PSMD12: variants seen among roughly 807,000 people sequenced by gnomAD.
PSMD12 encodes the protein proteasome 26S subunit, non-ATPase 12.
Under a neutral mutation model 62.9 loss-of-function variants are expected in PSMD12, and 8 were observed. The observed-to-expected ratio is 0.13, with a 90% CI of 0.07 to 0.23. The LOEUF (loss-of-function observed/expected upper bound fraction) is 0.23, where lower values mean the gene tolerates loss of function less well. Ranked by LOEUF, PSMD12 falls within the 10% of genes least tolerant of loss-of-function variation. PSMD12 has a pLI of 1.00. For missense variants in PSMD12, 424 were observed against 550.2 expected (o/e 0.77, Z 2.29); for synonymous variants, 173 against 187.4 (o/e 0.92, Z 0.63).
intron 3 of PSMD12, among the ~76,000 whole-genome samples, chr17:67,355,580 C>A (rs1013298293): frequency 1.3e-5 from 2 of 152,252 alleles, no homozygotes; most frequent in African/African-American, 2.4e-5. Context: ...CCATTACATC[C>A]TCTTTTACAA....
At chr17:67,363,806 T>C (rs1346742634) in intron 1 of PSMD12, among the ~76,000 whole-genome samples, 1 of 152,038 alleles carries the variant, frequency 6.6e-6, no homozygotes, top group Admixed American at 6.6e-5. Context: ...TCCCAGCACT[T>C]TGGGAGGCAG....
chr17:67,366,394 C>T lies in PSMD12; in HGVS notation c.108+18G>A. 1 of 1,602,210 alleles carries T rather than the reference C, an allele frequency of 6.2e-7. No homozygotes were observed. Among genetic ancestry groups the T allele is most frequent in the Non-Finnish European group, 8.5e-7 (1 of 1,172,762 alleles). On this transcript the variant is annotated intron_variant, in intron 1 of 10. Transcript: ENST00000356126. ...TCAGCCCCTGGCGCCCGCCAACAGC[C>T]AGCCGGCCTCTCCTCACCTTGGCTA... is the stretch of plus-strand genomic sequence containing the variant.
intron 8 of PSMD12, 89 bp downstream of exon 8, chr17:67,345,656 T>C (rs1464968470): frequency 2.9e-6 from 3 of 1,048,342 alleles, no homozygotes; most frequent in Non-Finnish European, 4.3e-6. Context: ...AAAAGAAGTA[T>C]ACACAGAAGT....
At chr17:67,356,174 G>A (rs1305766668) in intron 3 of PSMD12, among the ~76,000 whole-genome samples, 1 of 152,074 alleles carries the variant, frequency 6.6e-6, no homozygotes, top group Admixed American at 6.6e-5. Context: ...CAAGGTTAAG[G>A]ACTTGTCAAG....
At chr17:67,346,325 G>A (rs1156828115) in intron 7 of PSMD12, among the ~76,000 whole-genome samples, 7 of 151,804 alleles carry the variant, frequency 4.6e-5, no homozygotes, top group Admixed American at 4.6e-4. Flanking sequence ...AACCTGGGAG[G>A]AGGAGCTTGC....
intron 3 of PSMD12, among the ~76,000 whole-genome samples, chr17:67,355,973 C>T (rs1364180780): frequency 4.1e-5 from 1 of 24,396 alleles, no homozygotes; most frequent in East Asian, 4.8e-4. Flanking sequence ...CATTTCTACA[C>T]ACACACACAC....
At chr17:67,347,577 T>C (rs2041979743) in intron 5 of PSMD12, 92 bp from the exon 6 acceptor site, 1 of 1,288,808 alleles carries the variant, frequency 7.8e-7, no homozygotes. Flanking sequence ...TTCATCCTTG[T>C]TAAATAATAA....
chr17:67,366,298 G>T, intron 1 of PSMD12, 114 bp downstream of exon 1: 4 of 1,019,248 alleles, frequency 3.9e-6, no homozygotes, highest in Non-Finnish European at 5.7e-6. Context: ...AACTAGGGCT[G>T]GACAGGCATT....
At chr17:67,354,760 T>G (rs1279142888) in intron 3 of PSMD12, among the ~76,000 whole-genome samples, 1 of 151,540 alleles carries the variant, frequency 6.6e-6, no homozygotes, top group Non-Finnish European at 1.5e-5. Flanking sequence ...GAAGCTGAGG[T>G]GGGTGGATCA....
intron 1 of PSMD12, among the ~76,000 whole-genome samples, chr17:67,364,921 C>A (rs1000339331): frequency 4.6e-5 from 7 of 152,132 alleles, no homozygotes; most frequent in African/African-American, 1.2e-4. Flanking sequence ...CGGTGGCTCA[C>A]GCCTGTAATC....
Position 67,366,570 on chromosome 17 carries a change from T to C in PSMD12, c.-51A>G. ...GTCCCCCTGCTTCGGCCACCACTCG[T>C]CACCCACACCGGAAGTTGCCCGCGC... On this transcript the variant is annotated 5_prime_UTR_variant, in exon 1 of 11. Transcript: ENST00000356126. The C allele has an allele frequency of 6.6e-7, 1 of 1,524,696 alleles. No individual in the cohort carries two copies. The highest frequency in any genetic ancestry group is 1.2e-5 in the South Asian group (1 of 86,444). The allele number at this position is 1,524,696 out of a possible 1,614,324, so 94.4% of individuals were successfully genotyped here.
chr17:67,365,237 G>A (rs2042168390), intron 1 of PSMD12, among the ~76,000 whole-genome samples: 1 of 151,676 alleles, frequency 6.6e-6, no homozygotes, highest in Non-Finnish European at 1.5e-5. Context: ...CTTCTAGGCA[G>A]GACAGCATGG....
At chr17:67,342,154 C>G in intron 10 of PSMD12, 32 bp downstream of exon 10, 1 of 1,446,766 alleles carries the variant, frequency 6.9e-7, no homozygotes, top group Non-Finnish European at 9.6e-7. Flanking sequence ...AAAGGAATGC[C>G]TACAAATAAC....
chr17:67,354,690 CAT>C (rs1401417544), intron 3 of PSMD12, among the ~76,000 whole-genome samples: 1 of 152,016 alleles, frequency 6.6e-6, no homozygotes, highest in East Asian at 1.9e-4. Context: ...CCAAAAGGCA[CAT>C]TTAAGTAAAT....
chr17:67,344,532 C>T (rs2041945509), intron 9 of PSMD12, 74 bp downstream of exon 9: 2 of 1,374,808 alleles, frequency 1.5e-6, no homozygotes, highest in Non-Finnish European at 1.9e-6. Flanking sequence ...CTCAAAATTG[C>T]CAAAATTTAA....
rs1046857144 is a variant in PSMD12, at chr17:67,339,886, G to A, written c.*957C>T. On this transcript the variant is annotated 3_prime_UTR_variant, in exon 11 of 11. Transcript: ENST00000356126. The stretch of plus-strand genomic sequence containing the variant: ...CCACTTACTATGAGGGTGGCCTGAC[G>A]TCTTTTTGCCATTTTTTTAAAGCAT... 18 of 151,572 alleles carry A rather than the reference G, an allele frequency of 1.2e-4. No individual in the cohort carries two copies. Among genetic ancestry groups the A allele is most frequent in the Admixed American group, 9.2e-4 (14 of 15,196 alleles). 9.4% of individuals were successfully genotyped at this position (151,572 alleles called of 1,614,324 possible).
At chr17:67,341,195 G>A (rs2041911604) in intron 10 of PSMD12, 143 bp from the exon 11 acceptor site, 1 of 651,870 alleles carries the variant, frequency 1.5e-6, no homozygotes, top group Non-Finnish European at 2.5e-6. Context: ...TCAGCTGGGT[G>A]TGGTGGCTCA....
chr17:67,348,459 A>T, intron 5 of PSMD12, 91 bp downstream of exon 5: 1 of 1,046,064 alleles, frequency 9.6e-7, no homozygotes, highest in Non-Finnish European at 1.4e-6. Flanking sequence ...GGTCCCAAAC[A>T]TTTTGGATAA....
intron 1 of PSMD12, among the ~76,000 whole-genome samples, chr17:67,358,577 AAAAAAAAAAGAAAAGAAAAAAAAG>A (rs1295195238): frequency 1.5e-4 from 22 of 150,452 alleles, no homozygotes; most frequent in African/African-American, 2.4e-5. Context: ...CAAAAAAAAA[AAAAAAAAAAGAAAAGAAAAAAAAG>A]AAAAAAAAAG....
Sources: allele counts gnomAD v4.1 joint callset (sites outside exome capture counted in the v4.1 genomes callset), GRCh38; gene constraint gnomAD v4.1.1; transcripts MANE v1.5; gene names NCBI Gene and HGNC (gene_info 2026-07-23, HGNC 2026-07-21).